ATF6: variants seen among roughly 807,000 people sequenced by gnomAD.
ATF6 encodes cyclic AMP-dependent transcription factor ATF-6 alpha.
A neutral mutation model predicts 83.6 loss-of-function variants in ATF6; 53 were observed. The observed-to-expected ratio is 0.63, with a 90% CI of 0.51 to 0.80. The LOEUF is 0.80. Among genes scored for constraint, ATF6 ranks in the 30% least tolerant of loss-of-function variants. The pLI, the probability that ATF6 is intolerant of heterozygous loss-of-function variation, is 0.00. For missense variants in ATF6, 744 were observed against 797.9 expected (o/e 0.93, Z 0.81); for synonymous variants, 288 against 285.8 (o/e 1.01, Z -0.08).
chr1:161,866,459 T>C lies in ATF6; in HGVS notation c.1719+3147T>C, dbSNP rs115568034. ...CAAGAAAAAATGCTTATGATCCCAG[T>C]ACTCCAGACAAAGGTCCAAAGTGCT... On this transcript the variant is annotated intron_variant, in intron 14 of 15. Transcript: ENST00000367942. 7.7e-3 allele frequency among the ~76,000 whole-genome samples: 1,170 copies of C among 152,324 alleles called. 13 individuals carry two copies. The highest frequency in any genetic ancestry group is 0.026 in the African/African-American group (1,091 of 41,572).
intron 9 of ATF6, among the ~76,000 whole-genome samples, chr1:161,834,436 C>T (rs1452033129): frequency 6.6e-6 from 1 of 151,998 alleles, no homozygotes; most frequent in East Asian, 1.9e-4. Context: ...CCATGGAATA[C>T]TATGCAGCCA....
chr1:161,890,413 G>A (rs1687523133), intron 14 of ATF6, among the ~76,000 whole-genome samples: 1 of 152,222 alleles, frequency 6.6e-6, no homozygotes, highest in Non-Finnish European at 1.5e-5. Flanking sequence ...ACCTTGCTCT[G>A]GAGACCCCAT....
chr1:161,873,491 A>G (rs979959059), intron 14 of ATF6, among the ~76,000 whole-genome samples: 8 of 151,638 alleles, frequency 5.3e-5, no homozygotes, highest in Middle Eastern at 3.4e-3. Context: ...CCCCTCTCCT[A>G]TATAGTATAC....
intron 15 of ATF6, among the ~76,000 whole-genome samples, chr1:161,932,554 T>C (rs1001670957): frequency 1.3e-5 from 2 of 152,236 alleles, no homozygotes; most frequent in Non-Finnish European, 2.9e-5. Context: ...TTAAATGTCT[T>C]TTTGATTAGC....
rs1374720042 is a variant in ATF6, at chr1:161,958,654, G to A, written c.2013G>A (p.Ter671=). Residue 671 remains the stop codon, a stop_retained_variant, in exon 16 of 16, where the codon TAG becomes TAA. Transcript: ENST00000367942. ...GCACCATCCCTGAGTCATTACAATA[G>A]CACCCTGCAGCTATGCTGGAAAACT... ...VVSTIPESLQ[*] 5.6e-6 allele frequency: 9 copies of A among 1,605,412 alleles called. No homozygotes were observed. The highest frequency in any genetic ancestry group is 7.7e-6 in the Non-Finnish European group (9 of 1,175,460).
chr1:161,874,205 T>A (rs1687166858), intron 14 of ATF6, among the ~76,000 whole-genome samples: 1 of 151,636 alleles, frequency 6.6e-6, no homozygotes, highest in Non-Finnish European at 1.5e-5. Context: ...TCAGTTAGGG[T>A]GTTAAACAGA....
chr1:161,808,515 A>G (rs1157999943), intron 7 of ATF6, among the ~76,000 whole-genome samples: 3 of 152,170 alleles, frequency 2.0e-5, no homozygotes, highest in African/African-American at 7.2e-5. Context: ...CTTATACCTT[A>G]GAGATCTGTT....
chr1:161,894,882 A>T (rs1426185377), intron 14 of ATF6, among the ~76,000 whole-genome samples: 1 of 151,444 alleles, frequency 6.6e-6, no homozygotes, highest in Non-Finnish European at 1.5e-5. Context: ...TTACATATTT[A>T]TATAGAATTC....
intron 7 of ATF6, among the ~76,000 whole-genome samples, chr1:161,815,278 A>G (rs1685588547): frequency 6.7e-6 from 1 of 148,190 alleles, no homozygotes; most frequent in East Asian, 2.0e-4. Context: ...TGCAGCCTCA[A>G]CCTCCTGAGC....
intron 15 of ATF6, among the ~76,000 whole-genome samples, chr1:161,953,774 C>T (rs1256290559): frequency 1.3e-5 from 2 of 152,152 alleles, no homozygotes; most frequent in Admixed American, 1.3e-4. Flanking sequence ...AGCGTTCTTC[C>T]CACTTATAAC....
chr1:161,811,201 T>A (rs1008913518), intron 7 of ATF6, among the ~76,000 whole-genome samples: 3 of 152,228 alleles, frequency 2.0e-5, no homozygotes, highest in African/African-American at 4.8e-5. Flanking sequence ...AGAAGAGTGG[T>A]AAATTTTAAA....
intron 15 of ATF6, among the ~76,000 whole-genome samples, chr1:161,938,765 T>G (rs1380246464): frequency 6.6e-6 from 1 of 152,226 alleles, no homozygotes; most frequent in African/African-American, 2.4e-5. Flanking sequence ...TGAGTTTCTA[T>G]TATCTTTTTA....
At chr1:161,914,595 C>G (rs1688053663) in intron 15 of ATF6, among the ~76,000 whole-genome samples, 1 of 152,186 alleles carries the variant, frequency 6.6e-6, no homozygotes, top group Non-Finnish European at 1.5e-5. Flanking sequence ...AACAGCAGCA[C>G]TCTCTTTGAA....
At chr1:161,919,574 A>C (rs570705849) in intron 15 of ATF6, among the ~76,000 whole-genome samples, 1 of 152,220 alleles carries the variant, frequency 6.6e-6, no homozygotes, top group East Asian at 1.9e-4. Context: ...TTCATAGGGG[A>C]ATGAATTCTA....
intron 13 of ATF6, among the ~76,000 whole-genome samples, chr1:161,861,779 A>G (rs979059918): frequency 4.1e-4 from 63 of 152,296 alleles, no homozygotes; most frequent in Admixed American, 1.1e-3. Context: ...AGCTATATAA[A>G]CAAGGTCCTT....
At chr1:161,910,119 C>T (rs1384987643) in intron 14 of ATF6, among the ~76,000 whole-genome samples, 1 of 152,082 alleles carries the variant, frequency 6.6e-6, no homozygotes, top group Non-Finnish European at 1.5e-5. Context: ...GTTCAAGAAA[C>T]ATTTATTTTG....
chr1:161,810,880 C>T (rs754400879), intron 7 of ATF6, among the ~76,000 whole-genome samples: 2 of 151,980 alleles, frequency 1.3e-5, no homozygotes, highest in South Asian at 2.1e-4. Context: ...TTGTGTATGG[C>T]GTCTTTCACT....
At chr1:161,910,137 G>A (rs1687961293) in intron 14 of ATF6, among the ~76,000 whole-genome samples, 1 of 152,140 alleles carries the variant, frequency 6.6e-6, no homozygotes, top group South Asian at 2.1e-4. Context: ...TTGAGGAAGT[G>A]GAGGTAAATA....
chr1:161,930,143 G>A (rs1393704588), intron 15 of ATF6, among the ~76,000 whole-genome samples: 2 of 152,176 alleles, frequency 1.3e-5, no homozygotes, highest in Admixed American at 6.5e-5. Context: ...TTTTACTCAA[G>A]CCGATTGTAT....
Sources: gnomAD v4.1 joint callset for allele counts (sites outside exome capture counted in the v4.1 genomes callset) on GRCh38, gnomAD v4.1.1 for gene constraint, MANE v1.5 for transcripts, NCBI Gene and HGNC (gene_info 2026-07-23, HGNC 2026-07-21) for gene names.